Variants in KLHL3 observed in about 807,000 individuals in gnomAD.
KLHL3 encodes kelch like family member 3, also known as kelch-like protein 3.
In KLHL3, 19 loss-of-function variants were observed where a neutral mutation model predicts 70.5. That is an observed-to-expected ratio of 0.27 (90% CI 0.19 to 0.40). The LOEUF is 0.40. Among genes scored for constraint, KLHL3 ranks in the 10% least tolerant of loss-of-function variants. The probability of loss-of-function intolerance (pLI) is 1.00; values close to 1 mark genes in which losing one functional copy is unlikely to be tolerated. For synonymous variants in KLHL3, 258 were observed against 290.3 expected (o/e 0.89, Z 1.13); for missense variants, 512 against 771.1 (o/e 0.66, Z 3.98).
Position 137,619,983 on chromosome 5 carries a change from G to C in KLHL3, c.*2115C>G, listed in dbSNP as rs1262000670. 6.6e-6 allele frequency: 1 copy of C among 152,166 alleles called. No individual in the cohort carries two copies. The highest frequency in any genetic ancestry group is 2.4e-5 in the African/African-American group (1 of 41,410). The allele number at this position is 152,166 out of a possible 1,614,324, so 9.4% of individuals were successfully genotyped here. On this transcript the variant is annotated 3_prime_UTR_variant, in exon 15 of 15. Coordinates refer to ENST00000309755, the MANE Select transcript of KLHL3 (RefSeq NM_017415.3). ...TGGCATACATCAGATCCCAACCCCA[G>C]CCTCATCCCCATCACACAGACACAC...
intron 4 of KLHL3, among the ~76,000 whole-genome samples, chr5:137,696,988 C>T (rs1304077406): frequency 1.3e-5 from 2 of 152,090 alleles, no homozygotes; most frequent in East Asian, 3.9e-4. Flanking sequence ...GATCTCTGAC[C>T]CTTGTTTCTA....
intron 5 of KLHL3, among the ~76,000 whole-genome samples, chr5:137,686,620 C>A (rs1369409318): frequency 6.6e-6 from 1 of 152,148 alleles, no homozygotes; most frequent in African/African-American, 2.4e-5. Flanking sequence ...CTAGTGGGTG[C>A]CTGCACCCCT....
chr5:137,682,789 T>C (rs547650698), intron 5 of KLHL3, among the ~76,000 whole-genome samples: 3 of 152,360 alleles, frequency 2.0e-5, no homozygotes, highest in African/African-American at 7.2e-5. Flanking sequence ...TATCTGTATA[T>C]ACCGAGCTCT....
chr5:137,636,214 C>T (rs1274543522), intron 11 of KLHL3, among the ~76,000 whole-genome samples: 1 of 152,142 alleles, frequency 6.6e-6, no homozygotes, highest in Non-Finnish European at 1.5e-5. Flanking sequence ...TTAAATTACA[C>T]AATACCAGTG....
chr5:137,618,809 G>A lies in KLHL3; in HGVS notation c.*3289C>T, dbSNP rs1177110724. The A allele has an allele frequency of 2.8e-5, 4 of 144,190 alleles. No individual in the cohort carries two copies. Among genetic ancestry groups the A allele is most frequent in the East Asian group, 2.1e-4 (1 of 4,872 alleles). 8.9% of individuals were successfully genotyped at this position (144,190 alleles called of 1,614,324 possible). On this transcript the variant is annotated 3_prime_UTR_variant, in exon 15 of 15. Transcript: ENST00000309755. ...AATACAGACGGGCAAGTGCTGAGTC[G>A]AACATAACATCAGTCCCTAGCAATT...
intron 8 of KLHL3, among the ~76,000 whole-genome samples, chr5:137,649,758 G>A (rs950015031): frequency 2.0e-5 from 3 of 152,232 alleles, no homozygotes; most frequent in Non-Finnish European, 2.9e-5. Context: ...ACAAATATAA[G>A]TCACTTAGCC....
chr5:137,633,202 C>G (rs1193112129), intron 12 of KLHL3, among the ~76,000 whole-genome samples: 4 of 150,090 alleles, frequency 2.7e-5, no homozygotes, highest in Non-Finnish European at 4.4e-5. Context: ...ATGGCGGAAC[C>G]CGGGAGGCGG....
intron 2 of KLHL3, among the ~76,000 whole-genome samples, chr5:137,713,774 C>A (rs1387377790): frequency 2.0e-5 from 3 of 152,154 alleles, no homozygotes; most frequent in Admixed American, 6.5e-5. Context: ...TTTTGCAAAT[C>A]ATCTACCTGA....
At chr5:137,682,952 A>T (rs1752070280) in intron 5 of KLHL3, among the ~76,000 whole-genome samples, 1 of 152,182 alleles carries the variant, frequency 6.6e-6, no homozygotes, top group African/African-American at 2.4e-5. Flanking sequence ...GCTCAGAACA[A>T]ATGGAATGAT....
intron 3 of KLHL3, chr5:137,706,208 C>T (rs893466111): frequency 1.0e-6 from 1 of 985,394 alleles, no homozygotes; most frequent in African/African-American, 1.7e-5. Flanking sequence ...TCACACAACT[C>T]AAGTCAGAAG....
At chr5:137,640,101 C>T in intron 8 of KLHL3, 124 bp from the exon 9 acceptor site, 3 of 772,640 alleles carry the variant, frequency 3.9e-6, no homozygotes, top group East Asian at 5.0e-5. Flanking sequence ...GTTTACAGAG[C>T]TACATACATG....
At chr5:137,669,240 T>C (rs917953698) in intron 6 of KLHL3, among the ~76,000 whole-genome samples, 6 of 152,114 alleles carry the variant, frequency 3.9e-5, no homozygotes, top group Admixed American at 1.3e-4. Flanking sequence ...TTTATAGCTA[T>C]ATATTTGTGC....
chr5:137,650,326 G>A (rs2149891675), intron 8 of KLHL3, among the ~76,000 whole-genome samples: 1 of 152,266 alleles, frequency 6.6e-6, no homozygotes, highest in Admixed American at 6.5e-5. Context: ...TGTGCTCCCA[G>A]AGTGTTTTTC....
At chr5:137,673,423 A>G (rs913441600) in intron 6 of KLHL3, among the ~76,000 whole-genome samples, 5 of 152,152 alleles carry the variant, frequency 3.3e-5, no homozygotes, top group Admixed American at 2.0e-4. Flanking sequence ...GTCTGGCATG[A>G]CATGAGGAAG....
chr5:137,707,330 G>C (rs1196103442), intron 3 of KLHL3, among the ~76,000 whole-genome samples: 1 of 152,110 alleles, frequency 6.6e-6, no homozygotes, highest in East Asian at 1.9e-4. Context: ...CTACTCAGGA[G>C]GCTGAGGCAC....
At chr5:137,694,083 A>C (rs1228502517) in intron 4 of KLHL3, among the ~76,000 whole-genome samples, 1 of 151,768 alleles carries the variant, frequency 6.6e-6, no homozygotes, top group African/African-American at 2.4e-5. Flanking sequence ...ACAGTCGGTC[A>C]CCCTTCATTA....
intron 8 of KLHL3, among the ~76,000 whole-genome samples, chr5:137,652,782 T>C (rs528321675): frequency 6.6e-6 from 1 of 152,286 alleles, no homozygotes; most frequent in Non-Finnish European, 1.5e-5. Flanking sequence ...TGTATTATAT[T>C]CTTGAAAATA....
chr5:137,679,364 G>A (rs1751968045), intron 5 of KLHL3, among the ~76,000 whole-genome samples: 2 of 152,154 alleles, frequency 1.3e-5, no homozygotes. Flanking sequence ...CCACAGCTGA[G>A]CTCAGCAGGA....
rs558403834 is a variant in KLHL3, at chr5:137,628,696, A to T, written c.1451-259T>A. On this transcript the variant is annotated intron_variant, in intron 12 of 14. Transcript: ENST00000309755. The stretch of plus-strand genomic sequence containing the variant: ...ATTCTGTTTTTAAAAAACATTAAAA[A>T]ATATATATATATATATACACACACA... 6.3e-3 allele frequency: 1,496 copies of T among 235,700 alleles called. 15 individuals carry two copies. Among genetic ancestry groups the T allele is most frequent in the Middle Eastern group, 0.014 (12 of 836 alleles). 14.6% of individuals were successfully genotyped at this position (235,700 alleles called of 1,614,324 possible). A position where few individuals can be genotyped will look rare whatever the true frequency, so the allele number is the denominator to read the frequency against.
Sources: gnomAD v4.1 joint callset for allele counts (sites outside exome capture counted in the v4.1 genomes callset) on GRCh38, gnomAD v4.1.1 for gene constraint, MANE v1.5 for transcripts, NCBI Gene and HGNC (gene_info 2026-07-23, HGNC 2026-07-21) for gene names.